Variants in CA10 observed in about 807,000 individuals in gnomAD.
The protein encoded by CA10 is carbonic anhydrase-related protein 10.
A neutral mutation model predicts 44.2 loss-of-function variants in CA10; 14 were observed. The observed-to-expected ratio is 0.32, with a 90% CI of 0.21 to 0.50. CA10 has a LOEUF of 0.50. Among genes scored for constraint, CA10 ranks in the 20% least tolerant of loss-of-function variants. The probability of loss-of-function intolerance (pLI) is 0.99; values close to 1 mark genes in which losing one functional copy is unlikely to be tolerated. For synonymous variants in CA10, 159 were observed against 141.6 expected, an observed-to-expected ratio of 1.12 and a Z score of -0.87; for missense variants, 350 against 409.7, an observed-to-expected ratio of 0.85 and a Z score of 1.26.
intron 4 of CA10, among the ~76,000 whole-genome samples, chr17:51,688,576 A>G (rs1915084698): frequency 6.6e-6 from 1 of 152,206 alleles, no homozygotes; most frequent in Non-Finnish European, 1.5e-5. Context: ...GTTTGGAACT[A>G]ATATTATTGA....
chr17:51,727,996 C>A (rs1281010634), intron 4 of CA10, among the ~76,000 whole-genome samples: 2 of 152,032 alleles, frequency 1.3e-5, no homozygotes, highest in Non-Finnish European at 2.9e-5. Context: ...AGCAATCTTC[C>A]CACCTCAGTC....
chr17:52,123,354 T>A (rs1989051778), intron 1 of CA10, among the ~76,000 whole-genome samples: 1 of 134,740 alleles, frequency 7.4e-6, no homozygotes, highest in Non-Finnish European at 1.6e-5. Context: ...TGTGTGTGTA[T>A]GTGTGTATAT....
At chr17:51,775,844 T>C (rs543237500) in intron 3 of CA10, among the ~76,000 whole-genome samples, 34 of 152,224 alleles carry the variant, frequency 2.2e-4, no homozygotes, top group African/African-American at 7.0e-4. Context: ...GAATGAGGGA[T>C]GATCTCTTCA....
chr17:52,087,104 A>G lies in CA10; in HGVS notation c.62-14711T>C, dbSNP rs368233925. Among the ~76,000 whole-genome samples the G allele has an allele frequency of 2.0e-4, 31 of 152,342 alleles. 2 individuals are homozygous for G. In the South Asian group the frequency reaches 6.4e-3, roughly 32 times the overall value. On this transcript the variant is annotated intron_variant, in intron 1 of 8. Transcript: ENST00000451037. ...ATTGGCTACAGAAGACACAATTACT[A>G]GAAACCTGATGACCCAGATACCTTT...
At chr17:51,911,000 T>A (rs1390917284) in intron 3 of CA10, among the ~76,000 whole-genome samples, 1 of 152,168 alleles carries the variant, frequency 6.6e-6, no homozygotes, top group East Asian at 1.9e-4. Flanking sequence ...GTGAAAAGAA[T>A]GTGGGTGGAA....
At chr17:51,766,188 C>A (rs1417155826) in intron 3 of CA10, among the ~76,000 whole-genome samples, 1 of 152,108 alleles carries the variant, frequency 6.6e-6, no homozygotes, top group Non-Finnish European at 1.5e-5. Flanking sequence ...TCAAGGTAGA[C>A]CCTCTAAGAG....
intron 2 of CA10, among the ~76,000 whole-genome samples, chr17:52,053,480 A>T (rs1413954821): frequency 1.3e-5 from 2 of 151,852 alleles, no homozygotes; most frequent in Non-Finnish European, 2.9e-5. Context: ...TATGTCTATA[A>T]AATAAGAAAA....
rs115999402 is a variant in CA10 at position 51,836,266 on chromosome 17, T to A, written c.280-88448A>T. Among the ~76,000 whole-genome samples, 1,016 of 152,346 alleles carry A rather than the reference T, an allele frequency of 6.7e-3. 8 individuals are homozygous for A. The highest frequency in any genetic ancestry group is 0.024 in the African/African-American group (983 of 41,584). On this transcript the variant is annotated intron_variant, in intron 3 of 8. Coordinates refer to ENST00000451037, the MANE Select transcript of CA10 (RefSeq NM_020178.5). ...TAAAGGTTGGTTCTCCATTTCTCACTGCCATTTTAGGTAAACACACTCTTA... is the reference window on the plus strand; with the variant it reads ...TAAAGGTTGGTTCTCCATTTCTCACAGCCATTTTAGGTAAACACACTCTTA...
At chr17:51,828,068 T>C (rs1023903416) in intron 3 of CA10, among the ~76,000 whole-genome samples, 9 of 152,196 alleles carry the variant, frequency 5.9e-5, no homozygotes, top group African/African-American at 2.2e-4. Context: ...TGCCACTGTT[T>C]GGACTTAGAG....
At chr17:52,044,670 T>A (rs1320535880) in intron 2 of CA10, among the ~76,000 whole-genome samples, 1 of 152,048 alleles carries the variant, frequency 6.6e-6, no homozygotes, top group Non-Finnish European at 1.5e-5. Flanking sequence ...ACATAAAAAA[T>A]TTAAATATCT....
intron 3 of CA10, among the ~76,000 whole-genome samples, chr17:51,882,595 T>C (rs1027502370): frequency 3.9e-5 from 6 of 152,208 alleles, no homozygotes; most frequent in African/African-American, 1.4e-4. Flanking sequence ...ACTGTGATAA[T>C]GCCGCCTGAT....
chr17:51,861,472 C>G (rs1412202711), intron 3 of CA10, among the ~76,000 whole-genome samples: 1 of 151,256 alleles, frequency 6.6e-6, no homozygotes, highest in Non-Finnish European at 1.5e-5. Context: ...TGAAAAACCC[C>G]TTTCCCCCTA....
chr17:51,965,699 G>A (rs1352466591), intron 2 of CA10, among the ~76,000 whole-genome samples: 1 of 151,758 alleles, frequency 6.6e-6, no homozygotes, highest in Admixed American at 6.6e-5. Context: ...AGCATCAAAG[G>A]AACATACTCC....
At chr17:52,097,238 G>C (rs1191662498) in intron 1 of CA10, among the ~76,000 whole-genome samples, 1 of 152,144 alleles carries the variant, frequency 6.6e-6, no homozygotes, top group Admixed American at 6.5e-5. Context: ...GGCCACAGTT[G>C]GTATAATCAC....
intron 3 of CA10, among the ~76,000 whole-genome samples, chr17:51,836,414 G>A (rs1359345499): frequency 6.6e-6 from 1 of 152,196 alleles, no homozygotes; most frequent in Non-Finnish European, 1.5e-5. Flanking sequence ...CAACGTGGAG[G>A]CAAAGGCAGT....
intron 4 of CA10, among the ~76,000 whole-genome samples, chr17:51,690,092 A>G (rs1414260191): frequency 6.6e-6 from 1 of 151,926 alleles, no homozygotes; most frequent in Non-Finnish European, 1.5e-5. Context: ...GGATTACAGG[A>G]ACACACCAAC....
chr17:52,072,839 T>C (rs1243053668), intron 1 of CA10, among the ~76,000 whole-genome samples: 1 of 152,068 alleles, frequency 6.6e-6, no homozygotes, highest in East Asian at 1.9e-4. Flanking sequence ...TCTGGAAGGC[T>C]GAAAGGTATA....
At chr17:52,126,252 A>T (rs777175589) in intron 1 of CA10, among the ~76,000 whole-genome samples, 26 of 152,250 alleles carry the variant, frequency 1.7e-4, no homozygotes, top group Non-Finnish European at 3.1e-4. Context: ...ATAACTAGCA[A>T]GGGTGGCTAT....
chr17:51,962,284 T>C (rs1453731938), intron 2 of CA10, among the ~76,000 whole-genome samples: 1 of 152,166 alleles, frequency 6.6e-6, no homozygotes, highest in Non-Finnish European at 1.5e-5. Flanking sequence ...GCAAAAAAGG[T>C]TTCCCAGCCC....
Sources: gnomAD v4.1 joint callset for allele counts (sites outside exome capture counted in the v4.1 genomes callset) on GRCh38, gnomAD v4.1.1 for gene constraint, MANE v1.5 for transcripts, NCBI Gene and HGNC (gene_info 2026-07-23, HGNC 2026-07-21) for gene names.